Variants in RHD observed in about 807,000 individuals in gnomAD.
The protein encoded by RHD is Rh blood group D antigen.
Under a neutral mutation model 45.5 loss-of-function variants are expected in RHD, and 16 were observed. The ratio of observed to expected loss-of-function variants is 0.35; its 90% confidence interval spans 0.24 to 0.53. The LOEUF (loss-of-function observed/expected upper bound fraction) is 0.53. Ranked by LOEUF, RHD falls within the 20% of genes least tolerant of loss-of-function variation. The probability of loss-of-function intolerance (pLI) is 0.92; values close to 1 mark genes in which losing one functional copy is unlikely to be tolerated. For synonymous variants in RHD, 131 were observed against 217.5 expected, an observed-to-expected ratio of 0.60 and a Z score of 3.50; for missense variants, 306 against 532.0, an observed-to-expected ratio of 0.58 and a Z score of 4.18.
chr1:25,300,678 G>T lies in RHD; in HGVS notation c.487-268G>T, dbSNP rs1237739857. 1.5e-5 allele frequency among the ~76,000 whole-genome samples: 2 copies of T among 130,916 alleles called. 1 individual carries two copies. The highest frequency in any genetic ancestry group is 3.6e-5 in the Non-Finnish European group (2 of 55,490). 85.9% of individuals were successfully genotyped at this position (130,916 alleles called of 152,430 possible). On this transcript the variant is annotated intron_variant, in intron 3 of 9. Transcript: ENST00000328664. ...TACAAAATTAGCCCAGCGTAGTGGC[G>T]CATGCCTGTAATCCCAGCTACTAGG...
chr1:25,290,585 A>ATGAG (rs1557528249), intron 2 of RHD, 56 bp from the exon 3 acceptor site: 3 of 1,172,848 alleles, frequency 2.6e-6, no homozygotes, highest in Admixed American at 1.8e-5. Flanking sequence ...GAATGAATGA[A>ATGAG]TGAGTGAGAG....
Position 25,328,838 on chromosome 1 carries a change from TC to T in RHD, c.1228-59del, listed in dbSNP as rs1644911974. 4 of 861,214 alleles carry T rather than the reference TC, an allele frequency of 4.6e-6. 1 individual carries two copies. The highest frequency in any genetic ancestry group is 2.4e-5 in the East Asian group (1 of 41,694). The allele number at this position is 861,214 out of a possible 1,614,324, so 53.3% of individuals were successfully genotyped here. A position where few individuals can be genotyped will look rare whatever the true frequency, so the allele number is the denominator to read the frequency against. ...GAGACATTTAGGCTGTTTCAAGAGA[TC>T]AAGCCAAAATCAGTATGTGGGTTCA... is the stretch of plus-strand genomic sequence containing the variant. On this transcript the variant is annotated intron_variant, in intron 9 of 9. Coordinates refer to ENST00000328664, the MANE Select transcript of RHD (RefSeq NM_016124.6).
rs553562627 is a variant in RHD at position 25,320,177 on chromosome 1, G to C, written c.1154-1712G>C. Reference sequence around the variant, plus strand: ...CCTCCCAAAGTGCTGGGATTACAGGGATAAGCCACTGCGACCGGCCGACAA... The same window carrying C: ...CCTCCCAAAGTGCTGGGATTACAGGCATAAGCCACTGCGACCGGCCGACAA... On this transcript the variant is annotated intron_variant, in intron 8 of 9. Transcript: ENST00000328664. Among the ~76,000 whole-genome samples, 82 of 131,770 alleles carry C rather than the reference G, an allele frequency of 6.2e-4. 16 individuals carry two copies. The Middle Eastern group carries it at 0.012, about 20-fold the overall frequency. The allele number at this position is 131,770 out of a possible 152,430, so 86.4% of individuals were successfully genotyped here. A position where few individuals can be genotyped will look rare whatever the true frequency, so the allele number is the denominator to read the frequency against.
At chr1:25,293,504 G>C (rs1557531821) in intron 3 of RHD, among the ~76,000 whole-genome samples, 1 of 131,664 alleles carries the variant, frequency 7.6e-6, no homozygotes, top group East Asian at 1.9e-4. Flanking sequence ...GAATACATTT[G>C]AGAATTAAAT....
chr1:25,305,757 C>T (rs1163030081), intron 6 of RHD, among the ~76,000 whole-genome samples: 4 of 130,180 alleles, frequency 3.1e-5, no homozygotes, highest in Admixed American at 3.0e-4. Context: ...CCCACCACCA[C>T]GCCCAGCTAA....
At chr1:25,313,014 G>A (rs185085789) in intron 7 of RHD, among the ~76,000 whole-genome samples, 1 of 122,092 alleles carries the variant, frequency 8.2e-6, no homozygotes, top group Non-Finnish European at 1.9e-5. Context: ...TGGGGGCTGG[G>A]GCAGGATGCT....
chr1:25,301,067 C>T lies in RHD; in HGVS notation c.608C>T (p.Thr203Met), dbSNP rs775528807. The change falls in exon 4 of 10, where the codon ACG (threonine) becomes ATG (methionine). Residue 203 changes from threonine (T) to methionine (M), a missense_variant. By Grantham distance (81) the Thr-to-Met change is moderately conservative (BLOSUM62 -1). Coordinates refer to ENST00000328664, the MANE Select transcript of RHD (RefSeq NM_016124.6). ...EGTEDKDQTA[T>M]IPSLSAMLGA... ...ACGGAGGATAAAGATCAGACAGCAA[C>T]GATACCCAGTTTGTCTGCCATGCTG... is the stretch of plus-strand genomic sequence containing the variant. 26 of 1,376,746 alleles carry T rather than the reference C, an allele frequency of 1.9e-5. 9 individuals carry two copies. The highest frequency in any genetic ancestry group is 3.6e-5 in the Admixed American group (2 of 55,992). 85.3% of individuals were successfully genotyped at this position (1,376,746 alleles called of 1,614,324 possible).
At chr1:25,298,055 T>C (rs1643093319) in intron 3 of RHD, among the ~76,000 whole-genome samples, 2 of 123,042 alleles carry the variant, frequency 1.6e-5, no homozygotes, top group African/African-American at 5.5e-5. Context: ...CCTCCACTTG[T>C]TCCTGCATTT....
rs1189814577 is a variant in RHD at position 25,302,265 on chromosome 1, T to C, written c.801+579T>C. ...AAAGAGAGACGATGGTGTGTGTGAG[T>C]CTTGTGGGCAGAGATGGGTGAGAGG... On this transcript the variant is annotated intron_variant, in intron 5 of 9. Transcript: ENST00000328664. Among the ~76,000 whole-genome samples, 15 of 129,096 alleles carry C rather than the reference T, an allele frequency of 1.2e-4. 3 individuals carry two copies. The highest frequency in any genetic ancestry group is 2.4e-4 in the African/African-American group (9 of 37,154). The allele number at this position is 129,096 out of a possible 152,430, so 84.7% of individuals were successfully genotyped here.
rs1222900619 is a variant in RHD, at chr1:25,289,997, T to C, written c.336-644T>C. ...GTGCTAGACACACCGATAGGAAGAA[T>C]ACTCCTTCACATCCCCAGGACACCA... On this transcript the variant is annotated intron_variant, in intron 2 of 9. Coordinates refer to ENST00000328664, the MANE Select transcript of RHD (RefSeq NM_016124.6). Among the ~76,000 whole-genome samples the C allele has an allele frequency of 4.7e-5, 6 of 128,272 alleles. 3 individuals are homozygous for C. The highest frequency in any genetic ancestry group is 1.1e-4 in the Non-Finnish European group (6 of 54,618). 84.2% of individuals were successfully genotyped at this position (128,272 alleles called of 152,430 possible). A position where few individuals can be genotyped will look rare whatever the true frequency, so the allele number is the denominator to read the frequency against.
At chr1:25,285,909 G>A (rs138470223) in intron 2 of RHD, among the ~76,000 whole-genome samples, 928 of 134,322 alleles carry the variant, frequency 6.9e-3, no homozygotes, top group Non-Finnish European at 0.012. Context: ...TCTGGGCACT[G>A]CTGTTAAACA....
rs911140675 is a variant in RHD at position 25,303,071 on chromosome 1, C to G, written c.802-251C>G. ...CCTAGGATGCTGAGCACCTGGACTTCCCAGCTCATTCCCTAAATGCTGCAC... is the reference window on the plus strand; with the variant it reads ...CCTAGGATGCTGAGCACCTGGACTTGCCAGCTCATTCCCTAAATGCTGCAC... On this transcript the variant is annotated intron_variant, in intron 5 of 9. Transcript: ENST00000328664. 1.1e-4 allele frequency among the ~76,000 whole-genome samples: 15 copies of G among 131,664 alleles called. 1 individual carries two copies. The highest frequency in any genetic ancestry group is 2.9e-4 in the Admixed American group (4 of 13,568). 86.4% of individuals were successfully genotyped at this position (131,664 alleles called of 152,430 possible).
rs374185911 is a variant in RHD at position 25,303,621 on chromosome 1, G to C, written c.939+162G>C. On this transcript the variant is annotated intron_variant, in intron 6 of 9. Coordinates refer to ENST00000328664, the MANE Select transcript of RHD (RefSeq NM_016124.6). Reference sequence around the variant, plus strand: ...GAGGGATCCATCCTGGCTCGGTGGCGCATTTGTTAAGATGCTCGGGAGCAG... The same window carrying C: ...GAGGGATCCATCCTGGCTCGGTGGCCCATTTGTTAAGATGCTCGGGAGCAG... 2.3e-5 allele frequency among the ~76,000 whole-genome samples: 3 copies of C among 130,802 alleles called. 1 individual carries two copies. The highest frequency in any genetic ancestry group is 7.9e-5 in the African/African-American group (3 of 37,994). 85.8% of individuals were successfully genotyped at this position (130,802 alleles called of 152,430 possible).
chr1:25,275,259 C>G (rs1377409382), intron 1 of RHD, among the ~76,000 whole-genome samples: 8 of 131,700 alleles, frequency 6.1e-5, no homozygotes, highest in Non-Finnish European at 1.1e-4. Context: ...CTGCACTCCA[C>G]CCTGGGTGAC....
chr1:25,322,774 C>T (rs571958291), intron 9 of RHD, among the ~76,000 whole-genome samples: 1,514 of 121,348 alleles, frequency 0.012, 183 homozygotes, highest in African/African-American at 0.039. Flanking sequence ...CTTTATTAGC[C>T]GGCGACCTAG....
At position 25,320,161 on chromosome 1, in the gene RHD, G is replaced by T. The variant is rs1476590005; in HGVS notation, c.1154-1728G>T. Among the ~76,000 whole-genome samples the T allele has an allele frequency of 1.5e-5, 2 of 131,816 alleles. 1 individual carries two copies. Among genetic ancestry groups the T allele is most frequent in the African/African-American group, 5.2e-5 (2 of 38,680 alleles). 86.5% of individuals were successfully genotyped at this position (131,816 alleles called of 152,430 possible). The stretch of plus-strand genomic sequence containing the variant: ...GATCCGCCCACCTTGGCCTCCCAAA[G>T]TGCTGGGATTACAGGGATAAGCCAC... On this transcript the variant is annotated intron_variant, in intron 8 of 9. Transcript: ENST00000328664.
chr1:25,305,344 C>G (rs1259556922), intron 6 of RHD, among the ~76,000 whole-genome samples: 3 of 129,792 alleles, frequency 2.3e-5, no homozygotes, highest in African/African-American at 8.0e-5. Context: ...GGTGCTCAGG[C>G]ACACTTCCTG....
intron 5 of RHD, 43 bp from the exon 6 acceptor site, chr1:25,303,275 TTCTC>T (rs201798270): frequency 0.11 from 126,577 of 1,199,910 alleles, 35,263 homozygotes; most frequent in Non-Finnish European, 0.13. Flanking sequence ...CAAGATGGTG[TTCTC>T]TCTCTACCTT....
chr1:25,278,015 A>G lies in RHD; in HGVS notation c.148+5320A>G, dbSNP rs1641164962. ...TTAATTTTTTAAATAAAATAAATAAAACTAGAATTGCTTGTTTTCTTCCAG... is the reference window on the plus strand; with the variant it reads ...TTAATTTTTTAAATAAAATAAATAAGACTAGAATTGCTTGTTTTCTTCCAG... On this transcript the variant is annotated intron_variant, in intron 1 of 9. Coordinates refer to ENST00000328664, the MANE Select transcript of RHD (RefSeq NM_016124.6). Among the ~76,000 whole-genome samples the G allele has an allele frequency of 1.5e-5, 2 of 131,146 alleles. 1 individual carries two copies. The highest frequency in any genetic ancestry group is 3.6e-5 in the Non-Finnish European group (2 of 55,334). The allele number at this position is 131,146 out of a possible 152,430, so 86.0% of individuals were successfully genotyped here.
Sources: gnomAD v4.1 joint callset for allele counts (sites outside exome capture counted in the v4.1 genomes callset) on GRCh38, gnomAD v4.1.1 for gene constraint, MANE v1.5 for transcripts, NCBI Gene and HGNC (gene_info 2026-07-23, HGNC 2026-07-21) for gene names.